Variants in BABAM2 observed in about 807,000 individuals in gnomAD.
BABAM2 encodes the protein BRISC and BRCA1-A complex member 2.
Under a neutral mutation model 54.7 loss-of-function variants are expected in BABAM2, and 31 were observed. The observed-to-expected ratio is 0.57, with a 90% confidence interval of 0.43 to 0.77. The LOEUF is 0.77. Ranked by LOEUF, BABAM2 falls within the 30% of genes least tolerant of loss-of-function variation. The pLI, the probability that BABAM2 is intolerant of heterozygous loss-of-function variation, is 0.00. For synonymous variants in BABAM2, 167 were observed against 162.9 expected (o/e 1.03, Z -0.19); for missense variants, 364 against 455.8 (o/e 0.80, Z 1.83).
At chr2:28,281,358 G>A (rs756974829) in intron 10 of BABAM2, among the ~76,000 whole-genome samples, 3 of 152,140 alleles carry the variant, frequency 2.0e-5, no homozygotes, top group Non-Finnish European at 4.4e-5. Context: ...TTGGTATTTA[G>A]GATTAACCAA....
chr2:28,025,868 C>T (rs576872287), intron 5 of BABAM2, among the ~76,000 whole-genome samples: 2 of 152,304 alleles, frequency 1.3e-5, no homozygotes, highest in Non-Finnish European at 2.9e-5. Flanking sequence ...TTTCTTTTTG[C>T]AACTTATAAT....
chr2:28,125,904 T>C (rs1436934721), intron 6 of BABAM2, among the ~76,000 whole-genome samples: 1 of 152,214 alleles, frequency 6.6e-6, no homozygotes, highest in Non-Finnish European at 1.5e-5. Context: ...GATAGAGCGA[T>C]ATGATTCCTT....
chr2:28,298,708 G>C (rs1687889423), intron 11 of BABAM2, among the ~76,000 whole-genome samples: 1 of 152,306 alleles, frequency 6.6e-6, no homozygotes, highest in South Asian at 2.1e-4. Context: ...AGACTGGATG[G>C]CCTAGAAAAC....
intron 2 of BABAM2, among the ~76,000 whole-genome samples, chr2:27,904,127 G>A (rs1206021583): frequency 1.3e-5 from 2 of 152,184 alleles, no homozygotes; most frequent in African/African-American, 4.8e-5. Context: ...TCCTAGGCGG[G>A]ACAGAGTTGG....
intron 5 of BABAM2, among the ~76,000 whole-genome samples, chr2:28,040,841 A>T (rs987551976): frequency 6.6e-6 from 1 of 152,188 alleles, no homozygotes; most frequent in Non-Finnish European, 1.5e-5. Context: ...TAGTCCTGGG[A>T]CCAACATTTC....
chr2:27,955,564 A>G (rs887011321), intron 3 of BABAM2, among the ~76,000 whole-genome samples: 1 of 152,224 alleles, frequency 6.6e-6, no homozygotes, highest in African/African-American at 2.4e-5. Context: ...CATAACACAG[A>G]TATGTGCATT....
chr2:28,185,171 T>C (rs892614031), intron 7 of BABAM2, among the ~76,000 whole-genome samples: 3 of 152,180 alleles, frequency 2.0e-5, no homozygotes, highest in African/African-American at 7.2e-5. Flanking sequence ...CCCACCCAAT[T>C]TAAAGTAACA....
chr2:27,914,581 G>A (rs187947185), intron 2 of BABAM2, among the ~76,000 whole-genome samples: 133 of 152,150 alleles, frequency 8.7e-4, no homozygotes, highest in Middle Eastern at 3.4e-3. Flanking sequence ...TCATTTTCCA[G>A]GAAGCTACCT....
intron 7 of BABAM2, among the ~76,000 whole-genome samples, chr2:28,148,084 A>G (rs1234368560): frequency 5.3e-5 from 8 of 152,218 alleles, no homozygotes; most frequent in Admixed American, 4.6e-4. Context: ...AGAGATTTCT[A>G]GGAATGCCAG....
chr2:28,275,556 G>A (rs936431003), intron 10 of BABAM2, among the ~76,000 whole-genome samples: 1 of 152,194 alleles, frequency 6.6e-6, no homozygotes, highest in Non-Finnish European at 1.5e-5. Context: ...CACAGTAAAC[G>A]GGTGGAGTAC....
chr2:28,014,956 A>T (rs1490881774), intron 4 of BABAM2, among the ~76,000 whole-genome samples: 1 of 152,232 alleles, frequency 6.6e-6, no homozygotes, highest in Non-Finnish European at 1.5e-5. Flanking sequence ...GCCAAAGCGT[A>T]ATCAAAATTA....
chr2:28,202,981 T>G (rs576521621), intron 7 of BABAM2, among the ~76,000 whole-genome samples: 1 of 152,284 alleles, frequency 6.6e-6, no homozygotes, highest in South Asian at 2.1e-4. Context: ...GAAAGAATGC[T>G]TTCCTATTGA....
At chr2:28,180,449 A>G (rs1675498606) in intron 7 of BABAM2, among the ~76,000 whole-genome samples, 1 of 152,138 alleles carries the variant, frequency 6.6e-6, no homozygotes, top group Non-Finnish European at 1.5e-5. Flanking sequence ...ATCTCTTGTC[A>G]CATACAAAAA....
intron 4 of BABAM2, among the ~76,000 whole-genome samples, 161 bp downstream of exon 4, chr2:27,988,248 T>C (rs550220860): frequency 6.6e-6 from 1 of 152,334 alleles, no homozygotes; most frequent in East Asian, 1.9e-4. Flanking sequence ...TTATGTGCCA[T>C]AGTAGTTAAA....
chr2:27,899,730 G>A (rs947881101), intron 2 of BABAM2, among the ~76,000 whole-genome samples: 3 of 152,260 alleles, frequency 2.0e-5, no homozygotes, highest in African/African-American at 7.2e-5. Flanking sequence ...GCCTCCCAAA[G>A]TGCTGGGATT....
chr2:28,320,485 G>T (rs1449806062), intron 11 of BABAM2, among the ~76,000 whole-genome samples: 3 of 152,264 alleles, frequency 2.0e-5, no homozygotes, highest in Non-Finnish European at 4.4e-5. Context: ...GGAAACATCT[G>T]TGCACATCAG....
chr2:28,208,929 C>G (rs938687997), intron 7 of BABAM2, among the ~76,000 whole-genome samples: 6 of 152,084 alleles, frequency 3.9e-5, no homozygotes, highest in Admixed American at 3.9e-4. Flanking sequence ...TGCCCTTTCT[C>G]CTTGGAAATT....
intron 4 of BABAM2, among the ~76,000 whole-genome samples, chr2:28,001,846 T>C (rs1232185170): frequency 2.0e-5 from 3 of 151,964 alleles, no homozygotes; most frequent in African/African-American, 7.3e-5. Flanking sequence ...GACCCGCCCC[T>C]ATGCACCAAA....
rs76542722 is a variant in BABAM2 at position 28,305,037 on chromosome 2, A to G, written c.1088+6546A>G. On this transcript the variant is annotated intron_variant, in intron 11 of 11. Coordinates refer to ENST00000379624, the MANE Select transcript of BABAM2 (RefSeq NM_199191.3). ...TAACAGCTTTACTTCTTTCCTTCCA[A>G]TCTTTATGTTTTTCTGTTTCTTTTT... 7.1e-3 allele frequency among the ~76,000 whole-genome samples: 1,085 copies of G among 152,182 alleles called. 9 individuals carry two copies. The highest frequency in any genetic ancestry group is 0.025 in the African/African-American group (1,028 of 41,512).
Sources: allele counts gnomAD v4.1 joint callset (sites outside exome capture counted in the v4.1 genomes callset), GRCh38; gene constraint gnomAD v4.1.1; transcripts MANE v1.5; gene names NCBI Gene and HGNC (gene_info 2026-07-23, HGNC 2026-07-21).